ZNF536: variants seen among roughly 807,000 people sequenced by gnomAD.
ZNF536 encodes zinc finger protein 536.
In ZNF536, 13 loss-of-function variants were observed where a neutral mutation model predicts 84.5. The observed-to-expected ratio is 0.15, with a 90% CI of 0.10 to 0.24. The LOEUF (loss-of-function observed/expected upper bound fraction) is 0.24. ZNF536 is among the 10% of genes least tolerant of loss of function. The pLI, the probability that ZNF536 is intolerant of heterozygous loss-of-function variation, is 1.00. For missense variants in ZNF536, 1,536 were observed against 1,747.5 expected (o/e 0.88, Z 2.16); for synonymous variants, 811 against 742.5 (o/e 1.09, Z -1.50).
At chr19:30,507,361 C>G (rs2055217739) in intron 2 of ZNF536, among the ~76,000 whole-genome samples, 1 of 151,336 alleles carries the variant, frequency 6.6e-6, no homozygotes, top group Non-Finnish European at 1.5e-5. Context: ...AAAAAAAAAC[C>G]AAAAAACAAA....
chr19:30,388,229 C>T (rs964307615), intron 1 of ZNF536, among the ~76,000 whole-genome samples: 1 of 152,192 alleles, frequency 6.6e-6, no homozygotes, highest in Non-Finnish European at 1.5e-5. Flanking sequence ...GACCATGGAT[C>T]GCCTTGGCCT....
At chr19:30,325,385 G>A (rs1256232673) in intron 2 of ZNF536, among the ~76,000 whole-genome samples, 1 of 152,236 alleles carries the variant, frequency 6.6e-6, no homozygotes, top group East Asian at 1.9e-4. Flanking sequence ...AGGGCTGCAA[G>A]TCAGCAGGCC....
intron 2 of ZNF536, among the ~76,000 whole-genome samples, chr19:30,451,332 G>A (rs1053527552): frequency 6.6e-6 from 1 of 152,260 alleles, no homozygotes; most frequent in Non-Finnish European, 1.5e-5. Context: ...CTTCCCCGGA[G>A]CCGGATGCCT....
intron 1 of ZNF536, among the ~76,000 whole-genome samples, chr19:30,255,687 C>T (rs2024878530): frequency 6.6e-6 from 1 of 152,190 alleles, no homozygotes. Context: ...AACTTCAATA[C>T]AGCAGTCTGG....
At chr19:30,713,221 C>T (rs2052505547) in exon 2 of ZNF536, 1 of 152,170 alleles carries the variant, frequency 6.6e-6, no homozygotes, top group African/African-American at 2.4e-5. Flanking sequence ...GTAATACAAA[C>T]AAGTGACAGC....
intron 1 of ZNF536, among the ~76,000 whole-genome samples, chr19:30,415,040 C>T (rs546887720): frequency 1.1e-3 from 168 of 152,034 alleles, no homozygotes; most frequent in African/African-American, 3.9e-3. Flanking sequence ...TTTTCCTCCT[C>T]CTCCTCCTTC....
chr19:30,649,605 C>T (rs1295765341), intron 1 of ZNF536, among the ~76,000 whole-genome samples: 2 of 140,470 alleles, frequency 1.4e-5, no homozygotes, highest in African/African-American at 2.7e-5. Flanking sequence ...ATTTTCCAAA[C>T]ATCCTCAAAG....
At chr19:30,245,255 TATC>T (rs2024190786) in intron 1 of ZNF536, among the ~76,000 whole-genome samples, 1 of 152,244 alleles carries the variant, frequency 6.6e-6, no homozygotes, top group Admixed American at 6.5e-5. Context: ...TCTTCTATCC[TATC>T]CCAGTCACCT....
chr19:30,562,340 G>C (rs185945381), downstream of ZNF536, among the ~76,000 whole-genome samples: 1 of 152,136 alleles, frequency 6.6e-6, no homozygotes, highest in African/African-American at 2.4e-5. Flanking sequence ...ATTTGGGCAA[G>C]GCCATCTGCC....
chr19:30,480,685 T>A (rs577197712), intron 2 of ZNF536, among the ~76,000 whole-genome samples: 24 of 152,318 alleles, frequency 1.6e-4, no homozygotes, highest in African/African-American at 2.4e-4. Flanking sequence ...CTGCACGTTC[T>A]GCACATGTAT....
intron 1 of ZNF536, among the ~76,000 whole-genome samples, chr19:30,264,746 AGTGC>A (rs2025412111): frequency 6.6e-6 from 1 of 152,182 alleles, no homozygotes; most frequent in South Asian, 2.1e-4. Context: ...AGCCGGCAGC[AGTGC>A]AGCTGAGGGT....
intron 2 of ZNF536, among the ~76,000 whole-genome samples, chr19:30,503,531 C>T (rs1014043727): frequency 7.2e-5 from 11 of 152,294 alleles, no homozygotes; most frequent in Non-Finnish European, 1.0e-4. Flanking sequence ...ATTTCATTTA[C>T]GGAAAATTAT....
At chr19:30,317,050 C>T (rs1323735240) in intron 2 of ZNF536, among the ~76,000 whole-genome samples, 3 of 152,140 alleles carry the variant, frequency 2.0e-5, no homozygotes, top group African/African-American at 7.2e-5. Context: ...AGGGGGTTAG[C>T]CCTCATTATT....
chr19:30,404,368 C>A (rs867359031), intron 1 of ZNF536, among the ~76,000 whole-genome samples: 9 of 152,182 alleles, frequency 5.9e-5, no homozygotes, highest in Admixed American at 6.5e-5. Context: ...CCAGCATCCT[C>A]AACTGCAGGC....
intron 2 of ZNF536, among the ~76,000 whole-genome samples, chr19:30,306,948 C>T (rs1047527209): frequency 1.3e-5 from 2 of 151,984 alleles, no homozygotes; most frequent in Admixed American, 6.6e-5. Context: ...TAAAGAACAT[C>T]AGTAATTGAG....
At chr19:30,388,004 A>C (rs1185781808) in intron 1 of ZNF536, among the ~76,000 whole-genome samples, 2 of 152,214 alleles carry the variant, frequency 1.3e-5, no homozygotes, top group East Asian at 3.9e-4. Flanking sequence ...AGCCCCTTAG[A>C]GGTCTTCTTC....
chr19:30,511,073 T>C (rs997319729), intron 2 of ZNF536, among the ~76,000 whole-genome samples: 3 of 152,176 alleles, frequency 2.0e-5, no homozygotes, highest in African/African-American at 7.2e-5. Context: ...CTTGAGATCG[T>C]TTCAAGCATC....
chr19:30,408,799 A>G (rs533989302), intron 1 of ZNF536, among the ~76,000 whole-genome samples: 1 of 150,546 alleles, frequency 6.6e-6, no homozygotes, highest in East Asian at 2.0e-4. Flanking sequence ...CTATCCTTCC[A>G]TCTATTCATC....
chr19:30,650,223 G>A (rs1388757994), intron 1 of ZNF536, among the ~76,000 whole-genome samples: 1 of 152,026 alleles, frequency 6.6e-6, no homozygotes, highest in Non-Finnish European at 1.5e-5. Flanking sequence ...ACTTCAAAGG[G>A]ATGATCTGCA....
Sources: gnomAD v4.1 joint callset for allele counts (sites outside exome capture counted in the v4.1 genomes callset) on GRCh38, gnomAD v4.1.1 for gene constraint, MANE v1.5 for transcripts, NCBI Gene and HGNC (gene_info 2026-07-23, HGNC 2026-07-21) for gene names.